Variants in PDE1C observed in about 807,000 individuals in gnomAD.
The protein encoded by PDE1C is dual specificity calcium/calmodulin-dependent 3',5'-cyclic nucleotide phosphodiesterase 1C.
A neutral mutation model predicts 93.1 loss-of-function variants in PDE1C; 62 were observed. The observed-to-expected ratio is 0.67, with a 90% CI of 0.54 to 0.82. PDE1C has a LOEUF of 0.82. Among genes scored for constraint, PDE1C ranks in the 40% least tolerant of loss-of-function variants. The probability of loss-of-function intolerance (pLI) is 0.00; values close to 1 mark genes in which losing one functional copy is unlikely to be tolerated. For synonymous variants in PDE1C, 325 were observed against 310.1 expected (o/e 1.05, Z -0.50); for missense variants, 742 against 884.6 (o/e 0.84, Z 2.04).
At chr7:32,231,956 T>TACACAC (rs1491530109) in intron 1 of PDE1C, among the ~76,000 whole-genome samples, 44 of 126,858 alleles carry the variant, frequency 3.5e-4, no homozygotes, top group East Asian at 1.8e-3. Context: ...TAAATATGTG[T>TACACAC]ATACACACAC....
chr7:32,172,868 C>T (rs1252522148), intron 2 of PDE1C, among the ~76,000 whole-genome samples: 3 of 142,432 alleles, frequency 2.1e-5, no homozygotes, highest in South Asian at 2.4e-4. Context: ...TAGATTCTGG[C>T]GAGGCTGTGG....
At chr7:32,238,533 G>A (rs1377566753) in intron 1 of PDE1C, among the ~76,000 whole-genome samples, 5 of 152,190 alleles carry the variant, frequency 3.3e-5, no homozygotes, top group African/African-American at 1.2e-4. Flanking sequence ...GGTTTTTCAT[G>A]GAACTTGACA....
At chr7:31,807,925 A>G (rs1583418060) in intron 16 of PDE1C, among the ~76,000 whole-genome samples, 1 of 148,418 alleles carries the variant, frequency 6.7e-6, no homozygotes, top group South Asian at 2.1e-4. Context: ...GCATAAGCAC[A>G]TTGGTAAAAA....
intron 2 of PDE1C, among the ~76,000 whole-genome samples, chr7:32,199,673 T>C (rs1401566162): frequency 2.6e-5 from 4 of 152,210 alleles, no homozygotes; most frequent in African/African-American, 7.2e-5. Flanking sequence ...CAAGGTCTTG[T>C]TCCTTTCTTA....
At chr7:31,956,433 C>T (rs1374066561) in intron 2 of PDE1C, among the ~76,000 whole-genome samples, 2 of 151,696 alleles carry the variant, frequency 1.3e-5, no homozygotes, top group East Asian at 3.9e-4. Flanking sequence ...CAGTCTGTAA[C>T]AGTGGGGCAA....
intron 2 of PDE1C, among the ~76,000 whole-genome samples, chr7:31,920,260 T>C (rs1353280044): frequency 6.6e-6 from 1 of 152,174 alleles, no homozygotes; most frequent in Non-Finnish European, 1.5e-5. Context: ...CCTAACCATC[T>C]GGACACACAG....
chr7:31,935,857 C>T (rs1352906213), intron 2 of PDE1C, among the ~76,000 whole-genome samples: 1 of 152,122 alleles, frequency 6.6e-6, no homozygotes. Context: ...GAAGACAATG[C>T]TAGCAGTAGC....
chr7:32,106,866 G>A (rs891303240), intron 3 of PDE1C, among the ~76,000 whole-genome samples: 2 of 151,966 alleles, frequency 1.3e-5, no homozygotes, highest in Admixed American at 6.6e-5. Context: ...CAGAGATTTT[G>A]CAATTATCAG....
At chr7:31,640,997 G>T in the PDE1C span, among the ~76,000 whole-genome samples, 2 of 152,088 alleles carry the variant, frequency 1.3e-5, no homozygotes, top group African/African-American at 2.4e-5. Flanking sequence ...CTTGACTTTG[G>T]CCTCAGGCTG....
At chr7:32,287,410 C>G in intron 1 of PDE1C, among the ~76,000 whole-genome samples, 1 of 152,308 alleles carries the variant, frequency 6.6e-6, no homozygotes, top group Admixed American at 6.5e-5. Context: ...CCAGGGAAGC[C>G]CATCCCAATC....
chr7:31,880,149 A>ACCACAC (rs1476351547), intron 3 of PDE1C, among the ~76,000 whole-genome samples: 1 of 152,208 alleles, frequency 6.6e-6, no homozygotes, highest in Non-Finnish European at 1.5e-5. Context: ...GGGAAAAAAA[A>ACCACAC]CCACACCTTT....
chr7:31,893,528 A>G, intron 2 of PDE1C: 1 of 980,608 alleles, frequency 1.0e-6, no homozygotes, highest in Non-Finnish European at 1.2e-6. Context: ...TTTGTAGATG[A>G]AGAATGGGAC....
downstream of PDE1C, among the ~76,000 whole-genome samples, chr7:31,747,534 G>GA (rs994794055): frequency 5.3e-5 from 8 of 151,180 alleles, no homozygotes; most frequent in South Asian, 2.1e-4. Context: ...CTCCTGCACA[G>GA]AAAAAAAAAT....
At position 32,023,573 on chromosome 7, in the gene PDE1C, G is replaced by A. The variant is rs1352072157; in HGVS notation, c.128+27981C>T. On this transcript the variant is annotated intron_variant, in intron 2 of 17. Transcript: ENST00000396191. ...CGTAAGACAAAATTTTGGCACATCC[G>A]TACCGTGGATGACTATTTAGCATTA... 5.3e-5 allele frequency among the ~76,000 whole-genome samples: 8 copies of A among 151,598 alleles called. No homozygotes were observed. In the East Asian group the frequency reaches 9.7e-4, roughly 18 times the overall value.
At chr7:32,051,647 A>T (rs547719102) in intron 1 of PDE1C, 67 bp from the exon 2 acceptor site, 24 of 1,356,240 alleles carry the variant, frequency 1.8e-5, no homozygotes, top group Middle Eastern at 3.6e-4. Context: ...GAAAGGGATT[A>T]CTTCAGTGGG....
At chr7:31,645,312 T>G in the PDE1C span, among the ~76,000 whole-genome samples, 1 of 152,218 alleles carries the variant, frequency 6.6e-6, no homozygotes, top group Admixed American at 6.5e-5. Flanking sequence ...ATAAATGTGA[T>G]GTAAAGAGAG....
chr7:31,624,120 G>C, the PDE1C span, among the ~76,000 whole-genome samples: 77,671 of 147,936 alleles, frequency 0.53, 20,637 homozygotes, highest in East Asian at 0.82. Flanking sequence ...TGAAATAAAA[G>C]AGGATACAAA....
At chr7:32,426,998 T>A (rs867966781) in intron 1 of PDE1C, among the ~76,000 whole-genome samples, 2 of 152,176 alleles carry the variant, frequency 1.3e-5, no homozygotes, top group East Asian at 1.9e-4. Flanking sequence ...GAGATTTTTT[T>A]AAATCACATA....
chr7:32,117,447 A>G (rs1346371076), intron 3 of PDE1C, among the ~76,000 whole-genome samples: 2 of 152,222 alleles, frequency 1.3e-5, no homozygotes, highest in Non-Finnish European at 2.9e-5. Flanking sequence ...GCCCCCTAGC[A>G]GTTTATAGAC....
Sources: gnomAD v4.1 joint callset for allele counts (sites outside exome capture counted in the v4.1 genomes callset) on GRCh38, gnomAD v4.1.1 for gene constraint, MANE v1.5 for transcripts, NCBI Gene and HGNC (gene_info 2026-07-23, HGNC 2026-07-21) for gene names.